ACTR3: variants seen among roughly 807,000 people sequenced by gnomAD.
The protein encoded by ACTR3 is actin related protein 3.
ACTR3 carries 12 observed loss-of-function variants against 56.8 expected under a neutral mutation model. That is an observed-to-expected ratio of 0.21 (90% CI 0.14 to 0.34). The LOEUF (loss-of-function observed/expected upper bound fraction) is 0.34. ACTR3 is among the 10% of genes least tolerant of loss of function. ACTR3 has a pLI of 1.00. For missense variants in ACTR3, 282 were observed against 512.5 expected (o/e 0.55, Z 4.34); for synonymous variants, 162 against 167.4 (o/e 0.97, Z 0.25).
intron 1 of ACTR3, among the ~76,000 whole-genome samples, chr2:113,910,304 G>A (rs1384388344): frequency 1.3e-5 from 2 of 152,176 alleles, no homozygotes; most frequent in Non-Finnish European, 2.9e-5. Flanking sequence ...TTCTGGGAGG[G>A]TGGTACGCTC....
rs529491388 is a variant in ACTR3 at position 113,936,209 on chromosome 2, C to G, written c.540+1823C>G. Among the ~76,000 whole-genome samples, 5 of 150,772 alleles carry G rather than the reference C, an allele frequency of 3.3e-5. No individual in the cohort carries two copies. In the East Asian group the frequency reaches 9.8e-4, roughly 30 times the overall value. On this transcript the variant is annotated intron_variant, in intron 6 of 11. Transcript: ENST00000263238. ...CCAGAGGCTGAGGAGGGAAGATAACCTGACCCTGGAGAGGTTGAGGCTGCA... is the reference window on the plus strand; with the variant it reads ...CCAGAGGCTGAGGAGGGAAGATAACGTGACCCTGGAGAGGTTGAGGCTGCA...
chr2:113,934,857 G>A (rs759807298), intron 6 of ACTR3, among the ~76,000 whole-genome samples: 2 of 152,022 alleles, frequency 1.3e-5, no homozygotes, highest in Non-Finnish European at 2.9e-5. Flanking sequence ...TTCCAAGGCC[G>A]TTGTGCTTCA....
intron 8 of ACTR3, 44 bp from the exon 9 acceptor site, chr2:113,951,435 C>A: frequency 7.6e-7 from 1 of 1,310,914 alleles, no homozygotes; most frequent in South Asian, 1.2e-5. Flanking sequence ...TGATATTTGT[C>A]AGTAGTGATA....
intron 1 of ACTR3, among the ~76,000 whole-genome samples, chr2:113,899,657 A>G (rs544432463): frequency 1.3e-5 from 2 of 152,342 alleles, no homozygotes; most frequent in Admixed American, 6.5e-5. Flanking sequence ...GATGTGATAG[A>G]TATATGGGAA....
At chr2:113,942,811 A>G (rs1303630367) in intron 8 of ACTR3, among the ~76,000 whole-genome samples, 1 of 152,168 alleles carries the variant, frequency 6.6e-6, no homozygotes, top group East Asian at 1.9e-4. Flanking sequence ...TCTTCTGTCT[A>G]TGAAGTTTTA....
chr2:113,921,398 C>A (rs1190584272), intron 3 of ACTR3, among the ~76,000 whole-genome samples: 1 of 150,420 alleles, frequency 6.6e-6, no homozygotes, highest in Non-Finnish European at 1.5e-5. Context: ...GTACAGTTTG[C>A]GGGCATTTTG....
intron 1 of ACTR3, among the ~76,000 whole-genome samples, chr2:113,911,367 C>T (rs1679303220): frequency 6.9e-6 from 1 of 145,384 alleles, no homozygotes; most frequent in Non-Finnish European, 1.5e-5. Context: ...TCACTTTTTT[C>T]AACAGTTTAT....
At chr2:113,906,813 T>C (rs1487394808) in intron 1 of ACTR3, among the ~76,000 whole-genome samples, 1 of 152,230 alleles carries the variant, frequency 6.6e-6, no homozygotes, top group Non-Finnish European at 1.5e-5. Context: ...CTGATTCTGT[T>C]AGTTCTTATG....
rs562247246 is a variant in ACTR3, at chr2:113,958,781, A to G, written c.*1326A>G. 1 of 152,092 alleles carries G rather than the reference A, an allele frequency of 6.6e-6. No individual in the cohort carries two copies. Among genetic ancestry groups the G allele is most frequent in the South Asian group, 2.1e-4 (1 of 4,828 alleles). 9.4% of individuals were successfully genotyped at this position (152,092 alleles called of 1,614,324 possible). A position where few individuals can be genotyped will look rare whatever the true frequency, so the allele number is the denominator to read the frequency against. ...ATGGGAAATGTTTTATAGGCTTTTT[A>G]CTAGCAGTATCAGTGAACACTTGAA... On this transcript the variant is annotated 3_prime_UTR_variant, in exon 12 of 12. Transcript: ENST00000263238.
intron 3 of ACTR3, among the ~76,000 whole-genome samples, chr2:113,923,187 C>T (rs934172912): frequency 2.6e-5 from 4 of 152,202 alleles, no homozygotes; most frequent in Non-Finnish European, 5.9e-5. Flanking sequence ...TTTAAAACGA[C>T]ACTTCTTAGT....
At chr2:113,933,814 G>A (rs1181164195) in intron 5 of ACTR3, 1 of 158,176 alleles carries the variant, frequency 6.3e-6, no homozygotes, top group Non-Finnish European at 1.4e-5. Context: ...TGAGTAGCTG[G>A]GACTACAGGC....
At chr2:113,925,962 A>G (rs1679612660) in intron 3 of ACTR3, among the ~76,000 whole-genome samples, 1 of 152,176 alleles carries the variant, frequency 6.6e-6, no homozygotes, top group Non-Finnish European at 1.5e-5. Flanking sequence ...AACGTTTTTC[A>G]CTGTGCCACC....
intron 6 of ACTR3, among the ~76,000 whole-genome samples, chr2:113,938,996 G>A (rs1023152375): frequency 2.0e-5 from 3 of 151,802 alleles, no homozygotes; most frequent in South Asian, 2.1e-4. Context: ...CTACTCTGCC[G>A]ATTGTCAAAT....
rs1678860637 is a variant in ACTR3 at position 113,890,337 on chromosome 2, C to T, written c.44+14C>T. ...CTGTGGCACGGGGTAAGGGGGCTTA[C>T]GGGCGGGGGTGGGGAAACTGAGGCG... On this transcript the variant is annotated intron_variant, in intron 1 of 11. Transcript: ENST00000263238. 7 of 164,672 alleles carry T rather than the reference C, an allele frequency of 4.3e-5. No individual in the cohort carries two copies. Among genetic ancestry groups the T allele is most frequent in the Non-Finnish European group, 6.7e-5 (6 of 89,224 alleles). 10.2% of individuals were successfully genotyped at this position (164,672 alleles called of 1,614,324 possible). A position where few individuals can be genotyped will look rare whatever the true frequency, so the allele number is the denominator to read the frequency against.
chr2:113,955,746 T>G, intron 11 of ACTR3, 40 bp downstream of exon 11: 2 of 1,483,040 alleles, frequency 1.3e-6, no homozygotes, highest in Non-Finnish European at 1.9e-6. Flanking sequence ...ATTTTATCAT[T>G]ATTATTTTAT....
At chr2:113,927,948 T>C (rs1202249553) in intron 4 of ACTR3, among the ~76,000 whole-genome samples, 2 of 152,194 alleles carry the variant, frequency 1.3e-5, no homozygotes, top group African/African-American at 2.4e-5. Flanking sequence ...TTGGTTCATA[T>C]TCCCCGGAGG....
intron 4 of ACTR3, among the ~76,000 whole-genome samples, chr2:113,929,905 C>T (rs902435896): frequency 7.2e-5 from 11 of 152,094 alleles, no homozygotes; most frequent in African/African-American, 2.7e-4. Flanking sequence ...TCTTGAACTT[C>T]TAGTCTCAAG....
At chr2:113,895,644 A>G (rs879809332) in intron 1 of ACTR3, among the ~76,000 whole-genome samples, 1 of 152,194 alleles carries the variant, frequency 6.6e-6, no homozygotes, top group African/African-American at 2.4e-5. Context: ...AGCAGAAGAG[A>G]TAAGTTAGGA....
intron 1 of ACTR3, among the ~76,000 whole-genome samples, chr2:113,908,281 G>A (rs1423275300): frequency 6.7e-6 from 1 of 149,088 alleles, no homozygotes; most frequent in Non-Finnish European, 1.5e-5. Context: ...AAGAAAAAGC[G>A]AGAGAAACTT....
Sources: allele counts gnomAD v4.1 joint callset (sites outside exome capture counted in the v4.1 genomes callset), GRCh38; gene constraint gnomAD v4.1.1; transcripts MANE v1.5; gene names NCBI Gene and HGNC (gene_info 2026-07-23, HGNC 2026-07-21).